TUSC3: variants seen among roughly 807,000 people sequenced by gnomAD.
TUSC3 encodes dolichyl-diphosphooligosaccharide--protein glycosyltransferase subunit TUSC3.
In TUSC3, 45 loss-of-function variants were observed where a neutral mutation model predicts 44.8. The observed-to-expected ratio is 1.00, with a 90% CI of 0.79 to 1.29. TUSC3 has a LOEUF of 1.29. Ranked by LOEUF, TUSC3 falls within the 50% of genes most tolerant of loss-of-function variation. TUSC3 has a pLI of 0.00. For synonymous variants in TUSC3, 212 were observed against 152.9 expected, an observed-to-expected ratio of 1.39 and a Z score of -2.85; for missense variants, 519 against 437.9, an observed-to-expected ratio of 1.19 and a Z score of -1.65.
intron 2 of TUSC3, among the ~76,000 whole-genome samples, chr8:15,494,531 A>T (rs1418012550): frequency 6.6e-6 from 1 of 151,992 alleles, no homozygotes; most frequent in Non-Finnish European, 1.5e-5. Context: ...GTTAGCCAGG[A>T]TGGTCTCAAT....
At chr8:15,567,818 C>G (rs894366359) in intron 1 of TUSC3, among the ~76,000 whole-genome samples, 5 of 152,126 alleles carry the variant, frequency 3.3e-5, no homozygotes, top group Non-Finnish European at 7.4e-5. Context: ...TAGCTAAGGA[C>G]TATCTCCTGT....
chr8:15,717,261 C>T (rs995472753), intron 6 of TUSC3, among the ~76,000 whole-genome samples: 1 of 151,890 alleles, frequency 6.6e-6, no homozygotes, highest in African/African-American at 2.4e-5. Context: ...GCCTTAAAAT[C>T]AAGGTGAATT....
At chr8:15,490,219 CCAT>C (rs1241242165) in intron 2 of TUSC3, among the ~76,000 whole-genome samples, 1 of 152,126 alleles carries the variant, frequency 6.6e-6, no homozygotes, top group Non-Finnish European at 1.5e-5. Context: ...GAAGCCATCA[CCAT>C]CTCTAGACAG....
the TUSC3 span, among the ~76,000 whole-genome samples, chr8:15,842,012 A>G: frequency 0.093 from 14,224 of 152,202 alleles, 783 homozygotes; most frequent in Middle Eastern, 0.2. Context: ...AACCTATATA[A>G]TGGCAATTTT....
intron 2 of TUSC3, among the ~76,000 whole-genome samples, chr8:15,498,574 CTTGA>C (rs1205041888): frequency 6.6e-6 from 1 of 152,140 alleles, no homozygotes; most frequent in Non-Finnish European, 1.5e-5. Context: ...TATTTCTAAC[CTTGA>C]TTAATTGCAC....
At chr8:15,843,784 G>C in the TUSC3 span, among the ~76,000 whole-genome samples, 1 of 151,774 alleles carries the variant, frequency 6.6e-6, no homozygotes, top group East Asian at 1.9e-4. Flanking sequence ...CTTAGTACTG[G>C]GGATACAAAG....
chr8:15,445,935 GCTGGCCGGACGGGGGCTGCCCCCC>G (rs1800090553), intron 1 of TUSC3, among the ~76,000 whole-genome samples: 1 of 148,264 alleles, frequency 6.7e-6, no homozygotes, highest in Admixed American at 6.7e-5. Context: ...GGACGGGGCG[GCTGGCCGGACGGGGGCTGCCCCCC>G]ACCTCGCGGA....
At chr8:15,687,592 C>G (rs553612801) in intron 6 of TUSC3, among the ~76,000 whole-genome samples, 1 of 152,264 alleles carries the variant, frequency 6.6e-6, no homozygotes, top group East Asian at 1.9e-4. Context: ...TACATGCATT[C>G]TTGATCCTAA....
At chr8:15,661,417 T>C (rs1408970252) in intron 4 of TUSC3, among the ~76,000 whole-genome samples, 7 of 152,006 alleles carry the variant, frequency 4.6e-5, no homozygotes, top group Admixed American at 1.3e-4. Context: ...AGTCCTTTGC[T>C]ACTTTTTAAA....
intron 2 of TUSC3, among the ~76,000 whole-genome samples, chr8:15,510,448 G>C (rs949433160): frequency 2.6e-5 from 4 of 151,612 alleles, no homozygotes; most frequent in Non-Finnish European, 4.4e-5. Flanking sequence ...GTGATAATGA[G>C]GAAATATTAT....
intron 9 of TUSC3, among the ~76,000 whole-genome samples, chr8:15,757,502 T>C (rs1452461686): frequency 6.6e-6 from 1 of 152,134 alleles, no homozygotes; most frequent in Non-Finnish European, 1.5e-5. Context: ...CAATAATATC[T>C]AAATGGTGTG....
Position 15,540,335 on chromosome 8 carries a change from C to A in TUSC3, c.-96C>A. The A allele has an allele frequency of 2.9e-6, 4 of 1,373,692 alleles. No individual in the cohort carries two copies. In the South Asian group the frequency reaches 6.8e-5, roughly 23 times the overall value. The allele number at this position is 1,373,692 out of a possible 1,614,324, so 85.1% of individuals were successfully genotyped here. On this transcript the variant is annotated 5_prime_UTR_variant, in exon 1 of 11. Coordinates refer to ENST00000503731, the MANE Select transcript of TUSC3 (RefSeq NM_006765.4). ...CCGCTGCCATCCCGGAGGGCCCAGC[C>A]AGCGGGCTCCCGGAGGCTGGCCGGG...
At chr8:15,570,395 A>G (rs572765014) in intron 1 of TUSC3, among the ~76,000 whole-genome samples, 1 of 152,112 alleles carries the variant, frequency 6.6e-6, no homozygotes, top group Non-Finnish European at 1.5e-5. Context: ...TTGGTTTGAA[A>G]TAAGTTGCAA....
chr8:15,649,734 A>C (rs990574232), intron 2 of TUSC3, among the ~76,000 whole-genome samples: 3 of 152,128 alleles, frequency 2.0e-5, no homozygotes, highest in Non-Finnish European at 2.9e-5. Context: ...CTTCCTCTCA[A>C]AACTTTTCAC....
chr8:15,676,991 T>G (rs1808219586), intron 6 of TUSC3, among the ~76,000 whole-genome samples: 1 of 152,136 alleles, frequency 6.6e-6, no homozygotes, highest in Non-Finnish European at 1.5e-5. Flanking sequence ...TCAGTAAATA[T>G]GATTGGTTTG....
At chr8:15,659,851 T>G (rs2129179184) in intron 4 of TUSC3, among the ~76,000 whole-genome samples, 1 of 152,214 alleles carries the variant, frequency 6.6e-6, no homozygotes, top group Middle Eastern at 3.4e-3. Context: ...ACTGATATTT[T>G]AAAAGCCATT....
chr8:15,725,704 C>T (rs1810471212), intron 6 of TUSC3, among the ~76,000 whole-genome samples: 1 of 152,076 alleles, frequency 6.6e-6, no homozygotes, highest in Non-Finnish European at 1.5e-5. Context: ...ATTCACTTCT[C>T]ACATTTTATT....
intron 2 of TUSC3, among the ~76,000 whole-genome samples, chr8:15,535,038 A>G (rs1235099196): frequency 6.6e-6 from 1 of 152,232 alleles, no homozygotes; most frequent in Non-Finnish European, 1.5e-5. Flanking sequence ...AGGAGTATGG[A>G]GTCCTTCTCA....
Position 15,721,015 on chromosome 8 carries a change from C to CAA in TUSC3, c.799-9645_799-9644dup, listed in dbSNP as rs57706814. 3.3e-3 allele frequency among the ~76,000 whole-genome samples: 499 copies of CAA among 151,844 alleles called. 8 individuals are homozygous for CAA. In the East Asian group the frequency reaches 0.035, roughly 11 times the overall value. On this transcript the variant is annotated intron_variant, in intron 6 of 10. Transcript: ENST00000503731. ...TGGACATTCGTATTCATAGGTACATCAAAAAAAGAAAATGTAAGAGATAGA... is the reference window on the plus strand; with the variant it reads ...TGGACATTCGTATTCATAGGTACATCAAAAAAAAAGAAAATGTAAGAGATAGA...
Sources: allele counts gnomAD v4.1 joint callset (sites outside exome capture counted in the v4.1 genomes callset), GRCh38; gene constraint gnomAD v4.1.1; transcripts MANE v1.5; gene names NCBI Gene and HGNC (gene_info 2026-07-23, HGNC 2026-07-21).